SEC63: variants seen among roughly 807,000 people sequenced by gnomAD.
The protein encoded by SEC63 is translocation protein SEC63 homolog.
In SEC63, 56 loss-of-function variants were observed where a neutral mutation model predicts 116.2. That is an observed-to-expected ratio of 0.48 (90% CI 0.39 to 0.60). The LOEUF (loss-of-function observed/expected upper bound fraction) is 0.60, where lower values mean the gene tolerates loss of function less well. SEC63 is among the 20% of genes least tolerant of loss of function. The probability of loss-of-function intolerance (pLI) is 0.00; values close to 1 mark genes in which losing one functional copy is unlikely to be tolerated. For missense variants in SEC63, 668 were observed against 900.0 expected, an observed-to-expected ratio of 0.74 and a Z score of 3.30; for synonymous variants, 273 against 294.6, an observed-to-expected ratio of 0.93 and a Z score of 0.75.
chr6:107,943,608 A>G (rs1562339835), intron 1 of SEC63, among the ~76,000 whole-genome samples: 1 of 152,236 alleles, frequency 6.6e-6, no homozygotes, highest in Non-Finnish European at 1.5e-5. Context: ...AGGGGTAAGA[A>G]ACACTACAAT....
intron 1 of SEC63, among the ~76,000 whole-genome samples, chr6:107,935,409 A>G (rs1490915613): frequency 6.6e-6 from 1 of 151,340 alleles, no homozygotes; most frequent in Non-Finnish European, 1.5e-5. Context: ...TGTAGAAAGA[A>G]GTAGACATGG....
Position 107,867,826 on chromosome 6 carries a change from T to C in SEC63, c.*3878A>G, listed in dbSNP as rs1786031071. ...ATTGTACAATATATTATGTACATTA[T>C]AAAACACACAAAAATAGAAATTTAA... On this transcript the variant is annotated 3_prime_UTR_variant, in exon 21 of 21. Coordinates refer to ENST00000369002, the MANE Select transcript of SEC63 (RefSeq NM_007214.5). 6.6e-6 allele frequency: 1 copy of C among 152,128 alleles called. No homozygotes were observed. Among genetic ancestry groups the C allele is most frequent in the African/African-American group, 2.4e-5 (1 of 41,420 alleles). 9.4% of individuals were successfully genotyped at this position (152,128 alleles called of 1,614,324 possible). A position where few individuals can be genotyped will look rare whatever the true frequency, so the allele number is the denominator to read the frequency against.
At position 107,894,041 on chromosome 6, in the gene SEC63, T is replaced by C. The variant is rs1053388584; in HGVS notation, c.1441-144A>G. On this transcript the variant is annotated intron_variant, in intron 14 of 20. Coordinates refer to ENST00000369002, the MANE Select transcript of SEC63 (RefSeq NM_007214.5). ...AAAGAAGGAGACGTTTAGCAATTAC[T>C]AGCTGATGAATGTGTGCCTATGCAG... is the stretch of plus-strand genomic sequence containing the variant. 15 of 838,208 alleles carry C rather than the reference T, an allele frequency of 1.8e-5. No homozygotes were observed. The African/African-American group carries it at 2.6e-4, about 14-fold the overall frequency. The allele number at this position is 838,208 out of a possible 1,614,324, so 51.9% of individuals were successfully genotyped here.
chr6:107,906,028 T>TA (rs1787140474), intron 10 of SEC63, among the ~76,000 whole-genome samples: 1 of 152,172 alleles, frequency 6.6e-6, no homozygotes, highest in Non-Finnish European at 1.5e-5. Flanking sequence ...TGTTGAATGG[T>TA]AATCCCCAAT....
intron 13 of SEC63, among the ~76,000 whole-genome samples, chr6:107,898,537 AT>A (rs1252974963): frequency 1.3e-5 from 2 of 152,152 alleles, no homozygotes; most frequent in Admixed American, 6.5e-5. Context: ...AAAGAGACTT[AT>A]TTTTTTAAAG....
rs1378779708 is a variant in SEC63 at position 107,914,278 on chromosome 6, A to G, written c.453-851T>C. Reference sequence around the variant, plus strand: ...CAACACACACGCTCAAAAATGACCAATAACATAATAAGGAAGACATTCTTG... The same window carrying G: ...CAACACACACGCTCAAAAATGACCAGTAACATAATAAGGAAGACATTCTTG... On this transcript the variant is annotated intron_variant, in intron 4 of 20. Coordinates refer to ENST00000369002, the MANE Select transcript of SEC63 (RefSeq NM_007214.5). Among the ~76,000 whole-genome samples the G allele has an allele frequency of 5.3e-5, 8 of 152,156 alleles. No individual in the cohort carries two copies. In the South Asian group the frequency reaches 1.7e-3, roughly 31 times the overall value.
chr6:107,928,156 C>T (rs924757739), intron 2 of SEC63, among the ~76,000 whole-genome samples: 1 of 151,918 alleles, frequency 6.6e-6, no homozygotes, highest in Non-Finnish European at 1.5e-5. Context: ...CTCTTAACAC[C>T]AAAGCTAGAA....
chr6:107,888,831 G>C (rs1436984811), intron 16 of SEC63, among the ~76,000 whole-genome samples: 1 of 152,138 alleles, frequency 6.6e-6, no homozygotes, highest in African/African-American at 2.4e-5. Context: ...GGCCTTTTCT[G>C]CATCTATTGA....
intron 17 of SEC63, among the ~76,000 whole-genome samples, chr6:107,882,352 A>C (rs1786431833): frequency 6.6e-6 from 1 of 152,180 alleles, no homozygotes; most frequent in Admixed American, 6.5e-5. Context: ...ATTTGCAGTG[A>C]GCCTCTAAGG....
At chr6:107,874,523 G>C (rs983708839) in intron 19 of SEC63, among the ~76,000 whole-genome samples, 7 of 149,880 alleles carry the variant, frequency 4.7e-5, no homozygotes, top group African/African-American at 1.7e-4. Context: ...GTGAACCCGG[G>C]AGGCGGAGCT....
rs1026928155 is a variant in SEC63 at position 107,928,263 on chromosome 6, A to G, written c.224+1152T>C. ...TTTTGGAGGCCGAGGCAGGCAGACC[A>G]CTTGAGCCCAAGAGTTCGAGACCAG... On this transcript the variant is annotated intron_variant, in intron 2 of 20. Coordinates refer to ENST00000369002, the MANE Select transcript of SEC63 (RefSeq NM_007214.5). Among the ~76,000 whole-genome samples, 8 of 152,076 alleles carry G rather than the reference A, an allele frequency of 5.3e-5. No homozygotes were observed. In the South Asian group the frequency reaches 6.2e-4, roughly 12 times the overall value.
chr6:107,877,156 C>T (rs1346761777), intron 18 of SEC63: 1 of 153,512 alleles, frequency 6.5e-6, no homozygotes, highest in African/African-American at 2.4e-5. Context: ...AGTCTGAAAG[C>T]ACGAAACCTC....
At chr6:107,878,693 T>G (rs1283439948) in intron 18 of SEC63, among the ~76,000 whole-genome samples, 1 of 152,062 alleles carries the variant, frequency 6.6e-6, no homozygotes, top group African/African-American at 2.4e-5. Flanking sequence ...CTGTCTCTAC[T>G]AAAAATACAA....
chr6:107,883,194 C>T (rs1786452431), intron 16 of SEC63, 48 bp from the exon 17 acceptor site: 3 of 1,605,090 alleles, frequency 1.9e-6, no homozygotes, highest in African/African-American at 1.3e-5. Context: ...TCAATGAGAA[C>T]ATATCAATCT....
intron 1 of SEC63, among the ~76,000 whole-genome samples, chr6:107,941,494 C>T (rs1200894220): frequency 2.7e-5 from 4 of 150,364 alleles, no homozygotes; most frequent in Non-Finnish European, 5.9e-5. Flanking sequence ...CAGAGTGAGA[C>T]CGTGTCTCAA....
intron 20 of SEC63, among the ~76,000 whole-genome samples, chr6:107,872,478 T>G (rs1786157829): frequency 6.6e-6 from 1 of 151,590 alleles, no homozygotes; most frequent in East Asian, 1.9e-4. Context: ...GAAATTAATA[T>G]ACACTCCAAA....
At chr6:107,928,003 G>C (rs1405749786) in intron 2 of SEC63, among the ~76,000 whole-genome samples, 2 of 152,090 alleles carry the variant, frequency 1.3e-5, no homozygotes, top group East Asian at 3.9e-4. Context: ...CGCAGATATG[G>C]GGGGGAGGGG....
intron 4 of SEC63, among the ~76,000 whole-genome samples, chr6:107,920,263 A>T (rs1340844510): frequency 6.6e-6 from 1 of 151,890 alleles, no homozygotes; most frequent in African/African-American, 2.4e-5. Flanking sequence ...CTCTGCTAAA[A>T]ATACAAAAAA....
chr6:107,945,932 G>A (rs971197573), intron 1 of SEC63, among the ~76,000 whole-genome samples: 3 of 151,678 alleles, frequency 2.0e-5, no homozygotes, highest in Admixed American at 6.6e-5. Flanking sequence ...TTGTTTGTTT[G>A]TTTATTTATT....
Sources: allele counts gnomAD v4.1 joint callset (sites outside exome capture counted in the v4.1 genomes callset), GRCh38; gene constraint gnomAD v4.1.1; transcripts MANE v1.5; gene names NCBI Gene and HGNC (gene_info 2026-07-23, HGNC 2026-07-21).